The following TJP1 variants were observed in gnomAD, a reference collection of about 807,000 sequenced individuals.
TJP1 encodes tight junction protein ZO-1.
A neutral mutation model predicts 194.2 loss-of-function variants in TJP1; 43 were observed. The ratio of observed to expected loss-of-function variants is 0.22; its 90% confidence interval spans 0.17 to 0.29. The LOEUF (loss-of-function observed/expected upper bound fraction) is 0.29. TJP1 is among the 10% of genes least tolerant of loss of function. TJP1 has a pLI of 1.00. For missense variants in TJP1, 1,971 were observed against 2,185.7 expected (o/e 0.90, Z 1.96); for synonymous variants, 801 against 779.0 (o/e 1.03, Z -0.47).
At chr15:29,947,185 C>A (rs1275455815) in intron 2 of TJP1, among the ~76,000 whole-genome samples, 1 of 152,106 alleles carries the variant, frequency 6.6e-6, no homozygotes, top group African/African-American at 2.4e-5. Flanking sequence ...GCAAATGTCC[C>A]AAATTAAAAC....
At chr15:29,949,422 C>T (rs1270182763) in intron 2 of TJP1, among the ~76,000 whole-genome samples, 8 of 146,370 alleles carry the variant, frequency 5.5e-5, no homozygotes, top group African/African-American at 2.0e-4. Context: ...ACCTCTACCT[C>T]CACAACCACC....
chr15:29,708,621 A>G lies in TJP1; in HGVS notation c.4788T>C (p.His1596=), dbSNP rs1177694404. 6.2e-7 allele frequency: 1 copy of G among 1,614,184 alleles called. No individual in the cohort carries two copies. ...TTATTTGATATTTAGGCTTCTCTGC[A>G]TGGATAGAGAAAGTTTCAACTCCAC... ...FDSGVETFSI[H]AEKPKYQINN... is the part of the protein sequence containing the mutation. Residue 1596 remains histidine (H), a synonymous_variant, in exon 25 of 28, where the codon CAT becomes CAC. Coordinates refer to ENST00000614355, the MANE Select transcript of TJP1 (RefSeq NM_001330239.4).
chr15:29,840,224 A>G (rs1470400582), intron 2 of TJP1, among the ~76,000 whole-genome samples: 1 of 152,112 alleles, frequency 6.6e-6, no homozygotes, highest in Non-Finnish European at 1.5e-5. Context: ...ACTCTTTCCC[A>G]GAGCAAAGGT....
At chr15:29,771,166 A>G (rs1168625026) in intron 4 of TJP1, among the ~76,000 whole-genome samples, 1 of 152,184 alleles carries the variant, frequency 6.6e-6, no homozygotes, top group African/African-American at 2.4e-5. Flanking sequence ...GTAACATAAT[A>G]TATCTATTAT....
intron 9 of TJP1, among the ~76,000 whole-genome samples, chr15:29,742,003 G>A (rs1240834719): frequency 6.6e-6 from 1 of 152,158 alleles, no homozygotes; most frequent in Non-Finnish European, 1.5e-5. Context: ...TGGGAGGACT[G>A]TTTGAGGCCA....
At chr15:29,816,758 T>C (rs2049953412) in intron 1 of TJP1, among the ~76,000 whole-genome samples, 1 of 152,160 alleles carries the variant, frequency 6.6e-6, no homozygotes. Context: ...GCTCTTAAGG[T>C]TTCAAAAACG....
At chr15:29,749,970 G>C (rs919700278) in intron 8 of TJP1, among the ~76,000 whole-genome samples, 7 of 151,724 alleles carry the variant, frequency 4.6e-5, no homozygotes, top group African/African-American at 1.7e-4. Context: ...AGCCTCCTGA[G>C]TAGCTGGGAT....
chr15:29,815,254 T>C (rs908584512), intron 1 of TJP1, among the ~76,000 whole-genome samples: 2 of 152,334 alleles, frequency 1.3e-5, no homozygotes, highest in African/African-American at 4.8e-5. Context: ...TATTGCTGGC[T>C]TATGCAAGAA....
At chr15:29,719,231 T>C (rs932994187) in intron 20 of TJP1, 93 bp from the exon 21 acceptor site, 11 of 1,333,132 alleles carry the variant, frequency 8.3e-6, no homozygotes, top group Non-Finnish European at 1.1e-5. Flanking sequence ...TACGATTTAA[T>C]ATGTGAAAAT....
intron 8 of TJP1, among the ~76,000 whole-genome samples, chr15:29,751,007 G>A (rs2045240244): frequency 6.6e-6 from 1 of 152,214 alleles, no homozygotes; most frequent in African/African-American, 2.4e-5. Context: ...AGACAGAAAA[G>A]TGAAGGCACA....
chr15:29,850,273 G>C (rs893057949), intron 2 of TJP1, among the ~76,000 whole-genome samples: 1 of 152,158 alleles, frequency 6.6e-6, no homozygotes, highest in Non-Finnish European at 1.5e-5. Flanking sequence ...TGCTTCTAGA[G>C]TCCTATTTAT....
Position 29,968,889 on chromosome 15 carries a change from G to GCCCGCCGCA in TJP1, c.-59_-51dup, listed in dbSNP as rs982077050. The GCCCGCCGCA allele has an allele frequency of 3.8e-4, 123 of 323,994 alleles. No individual in the cohort carries two copies. The South Asian group carries it at 0.011, about 30-fold the overall frequency. The allele number at this position is 323,994 out of a possible 1,614,324, so 20.1% of individuals were successfully genotyped here. A position where few individuals can be genotyped will look rare whatever the true frequency, so the allele number is the denominator to read the frequency against. On this transcript the variant is annotated 5_prime_UTR_variant, in exon 1 of 29. Transcript: ENST00000356107. ...CCACCACAGCTCCCACCGCTCCCGC[G>GCCCGCCGCA]CCCGCCGCACCCGCAGCTGCGGCCG...
chr15:29,959,893 C>T (rs2056091836), intron 1 of TJP1, among the ~76,000 whole-genome samples: 1 of 152,130 alleles, frequency 6.6e-6, no homozygotes, highest in Non-Finnish European at 1.5e-5. Flanking sequence ...AAACATTGTA[C>T]AGCTTTGTTC....
intron 27 of TJP1, among the ~76,000 whole-genome samples, chr15:29,702,920 G>A (rs541571758): frequency 1.3e-4 from 20 of 151,866 alleles, no homozygotes; most frequent in African/African-American, 4.6e-4. Context: ...AATCAGGTTC[G>A]CTTAAAGTGA....
In TJP1 at chr15:29,728,016, C is replaced by G. The variant is rs1425688899; in HGVS notation, c.2021G>C (p.Ser674Thr). Residue 674 changes from serine to threonine, a missense_variant, in exon 16 of 28, where the codon AGT becomes ACT. Around this residue, in one of 5 missense-constraint regions of TJP1, gnomAD observed 402 missense variants for 484.2 expected, o/e 0.83. Coordinates refer to ENST00000614355, the MANE Select transcript of TJP1 (RefSeq NM_001330239.4). ...GTCAGTTCCAGCGTCTCGTGGTTCA[C>G]TCTCTATTCATTATGTCAGGACAAA... ...EEPDIYQIAK[S>T]EPRDAGTDQR... 4 of 1,613,850 alleles carry G rather than the reference C, an allele frequency of 2.5e-6. No individual in the cohort carries two copies. Among genetic ancestry groups the G allele is most frequent in the African/African-American group, 1.3e-5 (1 of 74,904 alleles).
intron 2 of TJP1, among the ~76,000 whole-genome samples, chr15:29,867,297 T>A (rs959344342): frequency 6.6e-6 from 1 of 152,130 alleles, no homozygotes; most frequent in Admixed American, 6.5e-5. Flanking sequence ...AGAAATCAAC[T>A]GAAAAAAATG....
chr15:29,772,618 A>G (rs1261241960), intron 3 of TJP1, among the ~76,000 whole-genome samples: 1 of 152,192 alleles, frequency 6.6e-6, no homozygotes, highest in Non-Finnish European at 1.5e-5. Context: ...ATAGGGAATA[A>G]AAAGGGTGGC....
chr15:29,736,244 TGAAAA>T (rs2044026281), intron 11 of TJP1, among the ~76,000 whole-genome samples: 1 of 152,024 alleles, frequency 6.6e-6, no homozygotes, highest in Non-Finnish European at 1.5e-5. Flanking sequence ...CCACAATGAT[TGAAAA>T]GAAAACAGGC....
At position 29,719,782 on chromosome 15, in the gene TJP1, T is replaced by A; in HGVS notation, c.2998A>T (p.Thr1000Ser). ...CAACACCGCAGCACAGGTACCTTTGTTGGATCTACATGCGACGACAATGAT... is the reference window on the plus strand; with the variant it reads ...CAACACCGCAGCACAGGTACCTTTGATGGATCTACATGCGACGACAATGAT... ...EPSLSSHVDP[T>S]KVYRKDPYPE... Residue 1000 changes from threonine (T) to serine (S), a missense_variant, in exon 20 of 28, where the codon ACA becomes TCA. By Grantham distance (58) the Thr-to-Ser change is moderately conservative. Coordinates refer to ENST00000614355, the MANE Select transcript of TJP1 (RefSeq NM_001330239.4). The A allele has an allele frequency of 6.2e-7, 1 of 1,612,474 alleles. No homozygotes were observed. The highest frequency in any genetic ancestry group is 8.5e-7 in the Non-Finnish European group (1 of 1,179,142).
Sources: gnomAD v4.1 joint callset for allele counts (sites outside exome capture counted in the v4.1 genomes callset) on GRCh38, gnomAD v4.1.1 for gene constraint, gnomAD v4.1.1 regional missense constraint, MANE v1.5 for transcripts, NCBI Gene and HGNC (gene_info 2026-07-23, HGNC 2026-07-21) for gene names.